TBCEL: variants seen among roughly 807,000 people sequenced by gnomAD.
TBCEL encodes the protein tubulin-specific chaperone cofactor E-like protein.
In TBCEL, 15 loss-of-function variants were observed where a neutral mutation model predicts 44.2. That is an observed-to-expected ratio of 0.34 (90% CI 0.23 to 0.52). The LOEUF is 0.52. TBCEL is among the 20% of genes least tolerant of loss of function. The pLI, the probability that TBCEL is intolerant of heterozygous loss-of-function variation, is 0.95. For synonymous variants in TBCEL, 171 were observed against 185.4 expected, an observed-to-expected ratio of 0.92 and a Z score of 0.63; for missense variants, 319 against 506.3, an observed-to-expected ratio of 0.63 and a Z score of 3.55.
intron 4 of TBCEL, among the ~76,000 whole-genome samples, chr11:121,048,111 T>C (rs1945465614): frequency 6.6e-6 from 1 of 151,910 alleles, no homozygotes; most frequent in African/African-American, 2.4e-5. Context: ...CTTTGTCAGC[T>C]TAAACTGCTA....
Position 121,058,352 on chromosome 11 carries a change from G to A in TBCEL, c.720G>A (p.Gln240=), listed in dbSNP as rs368859055. 1.7e-5 allele frequency: 27 copies of A among 1,611,040 alleles called. No individual in the cohort carries two copies. Among genetic ancestry groups the A allele is most frequent in the Non-Finnish European group, 2.2e-5 (26 of 1,177,956 alleles). The change falls in exon 7 of 9, where the codon CAG becomes CAA. Residue 240 remains glutamine (Q), a synonymous_variant. Transcript: ENST00000683345. The part of the protein sequence containing the change: ...RSISLHKSGL[Q]SWEDIDKLNS... The stretch of plus-strand genomic sequence containing the variant: ...AATATGTTCTCAAATTAGGTTTGCA[G>A]TCCTGGGAAGACATTGATAAACTAA...
chr11:121,070,679 A>T (rs1945912394), intron 8 of TBCEL, among the ~76,000 whole-genome samples: 1 of 139,596 alleles, frequency 7.2e-6, no homozygotes, highest in Non-Finnish European at 1.6e-5. Context: ...CAGGGCAGGG[A>T]ACATCACACA....
At chr11:121,029,735 G>A (rs1474644432) in intron 1 of TBCEL, among the ~76,000 whole-genome samples, 1 of 152,102 alleles carries the variant, frequency 6.6e-6, no homozygotes, top group East Asian at 1.9e-4. Context: ...ATTTAAAACT[G>A]TTCTTGGAAT....
intron 8 of TBCEL, among the ~76,000 whole-genome samples, chr11:121,063,650 T>C (rs975184732): frequency 6.6e-6 from 1 of 152,200 alleles, no homozygotes. Context: ...AACATATAAA[T>C]ATGGACTGAT....
rs771645921 is a variant in TBCEL at position 121,086,770 on chromosome 11, C to T, written c.957-8C>T. 20 of 1,598,882 alleles carry T rather than the reference C, an allele frequency of 1.3e-5. No individual in the cohort carries two copies. Among genetic ancestry groups the T allele is most frequent in the Admixed American group, 1.7e-5 (1 of 57,914 alleles). ...TTAAGCTGACAGTGTTGTTTTTAAT[C>T]CTTCTAGGTATCATGAACTGATCAC... On this transcript the variant is annotated splice_polypyrimidine_tract_variant and splice_region_variant and intron_variant, in intron 8 of 8. Transcript: ENST00000683345.
At chr11:121,068,735 A>C (rs924391506) in intron 8 of TBCEL, among the ~76,000 whole-genome samples, 5 of 152,012 alleles carry the variant, frequency 3.3e-5, no homozygotes, top group Non-Finnish European at 7.4e-5. Context: ...AATACAAAAA[A>C]AATTACTTAG....
intron 8 of TBCEL, among the ~76,000 whole-genome samples, chr11:121,073,293 TC>T (rs1945970967): frequency 1.3e-5 from 2 of 152,044 alleles, no homozygotes; most frequent in Non-Finnish European, 2.9e-5. Flanking sequence ...AATGTTTTTT[TC>T]ATTTAACTCA....
At chr11:121,058,238 C>T (rs1945657598) in intron 6 of TBCEL, 107 bp from the exon 7 acceptor site, 1 of 1,311,044 alleles carries the variant, frequency 7.6e-7, no homozygotes, top group South Asian at 1.4e-5. Context: ...AGTTTATGAT[C>T]ATTTTAACAT....
At chr11:121,074,328 T>A (rs1043253416) in intron 8 of TBCEL, among the ~76,000 whole-genome samples, 4 of 152,006 alleles carry the variant, frequency 2.6e-5, no homozygotes, top group Non-Finnish European at 4.4e-5. Context: ...ATTTTCTTGT[T>A]ATAGTTTCCA....
chr11:121,045,371 T>G (rs571589334), intron 2 of TBCEL, among the ~76,000 whole-genome samples: 1 of 152,274 alleles, frequency 6.6e-6, no homozygotes, highest in East Asian at 1.9e-4. Flanking sequence ...ATGAATCCTA[T>G]GTACCAGCCA....
At position 121,055,381 on chromosome 11, in the gene TBCEL, A is replaced by T. The variant is rs1555115784; in HGVS notation, c.712+73A>T. 7.2e-6 allele frequency: 10 copies of T among 1,383,798 alleles called. No individual in the cohort carries two copies. In the Middle Eastern group the frequency reaches 9.1e-4, roughly 127 times the overall value. The allele number at this position is 1,383,798 out of a possible 1,614,324, so 85.7% of individuals were successfully genotyped here. On this transcript the variant is annotated intron_variant, in intron 6 of 8. Transcript: ENST00000683345. ...TATGCATGAAATACAATGAAAGTAT[A>T]TTTCTTTCAGTCACAGTTTTACCTT...
chr11:121,080,926 A>G (rs1173642448), intron 8 of TBCEL, among the ~76,000 whole-genome samples: 1 of 152,220 alleles, frequency 6.6e-6, no homozygotes, highest in African/African-American at 2.4e-5. Flanking sequence ...ACCTGAGTGT[A>G]TGAAGGCTTG....
At chr11:121,081,541 C>T (rs913480989) in intron 8 of TBCEL, among the ~76,000 whole-genome samples, 8 of 152,168 alleles carry the variant, frequency 5.3e-5, no homozygotes, top group South Asian at 2.1e-4. Flanking sequence ...CCATCTACCT[C>T]TTCAGAGTAT....
rs1385767572 is a variant in TBCEL at position 121,090,563 on chromosome 11, CT to C, written c.*3469del. The stretch of plus-strand genomic sequence containing the variant: ...CTCTACTATTTTTCATAGGTGCTTC[CT>C]TGAAATATATGTCCATTGTAGTGGT... On this transcript the variant is annotated 3_prime_UTR_variant, in exon 9 of 9. Transcript: ENST00000683345. 6.6e-6 allele frequency: 1 copy of C among 151,974 alleles called. No homozygotes were observed. The highest frequency in any genetic ancestry group is 2.4e-5 in the African/African-American group (1 of 41,404). The allele number at this position is 151,974 out of a possible 1,614,324, so 9.4% of individuals were successfully genotyped here.
intron 8 of TBCEL, among the ~76,000 whole-genome samples, chr11:121,060,484 A>C (rs1945702612): frequency 6.6e-6 from 1 of 151,928 alleles, no homozygotes; most frequent in South Asian, 2.1e-4. Context: ...AGATTTGGCA[A>C]ATGTGCAGTA....
In TBCEL at chr11:121,060,030, G is replaced by A; in HGVS notation, c.901G>A (p.Glu301Lys). 1 of 1,611,742 alleles carries A rather than the reference G, an allele frequency of 6.2e-7. No homozygotes were observed. Residue 301 changes from glutamate to lysine, a missense_variant, in exon 8 of 9, where the codon GAG (glutamate) becomes AAG (lysine). Transcript: ENST00000683345. ...VVTDGEREDS[E>K]RFFIRYYVDV... is the part of the protein sequence containing the mutation. ...TACTGATGGTGAACGAGAAGATTCT[G>A]AGAGATTTTTTATTCGTTACTATGT...
intron 2 of TBCEL, 44 bp from the exon 3 acceptor site, chr11:121,045,629 TA>T (rs1183560267): frequency 6.8e-7 from 1 of 1,470,576 alleles, no homozygotes; most frequent in Admixed American, 2.2e-5. Flanking sequence ...CTTATGTGAG[TA>T]AATACATAAT....
chr11:121,040,371 T>C (rs1945309509), intron 2 of TBCEL, among the ~76,000 whole-genome samples: 1 of 152,220 alleles, frequency 6.6e-6, no homozygotes, highest in Non-Finnish European at 1.5e-5. Context: ...CTGAGGGTAT[T>C]CTTCCAGCCC....
intron 4 of TBCEL, 163 bp downstream of exon 4, chr11:121,047,830 AT>A (rs1945456879): frequency 1.1e-6 from 1 of 875,600 alleles, no homozygotes; most frequent in Non-Finnish European, 1.7e-6. Context: ...ATCAAGATAA[AT>A]AAGGCCTATA....
Sources: gnomAD v4.1 joint callset for allele counts (sites outside exome capture counted in the v4.1 genomes callset) on GRCh38, gnomAD v4.1.1 for gene constraint, MANE v1.5 for transcripts, NCBI Gene and HGNC (gene_info 2026-07-23, HGNC 2026-07-21) for gene names.